The following PLA2G2E variants were observed in gnomAD, a reference collection of about 807,000 sequenced individuals.
PLA2G2E encodes phospholipase A2 group IIE.
Under a neutral mutation model 16.5 loss-of-function variants are expected in PLA2G2E, and 14 were observed. That is an observed-to-expected ratio of 0.85 (90% CI 0.56 to 1.33). The LOEUF (loss-of-function observed/expected upper bound fraction) is 1.33. Ranked by LOEUF, PLA2G2E falls within the 40% of genes most tolerant of loss-of-function variation. The pLI is 0.00. For synonymous variants in PLA2G2E, 72 were observed against 77.2 expected (o/e 0.93, Z 0.36); for missense variants, 174 against 190.7 (o/e 0.91, Z 0.52).
chr1:19,923,178 G>A (rs1000932949), intron 1 of PLA2G2E, among the ~76,000 whole-genome samples: 5 of 152,150 alleles, frequency 3.3e-5, no homozygotes, highest in African/African-American at 4.8e-5. Flanking sequence ...AATTCTTCCC[G>A]GTGCTCCTGA....
chr1:19,923,408 C>T, intron 1 of PLA2G2E, 112 bp downstream of exon 1: 1 of 921,012 alleles, frequency 1.1e-6, no homozygotes, highest in Non-Finnish European at 1.6e-6. Flanking sequence ...AAGGGGGCAG[C>T]CTCCAGTGTT....
chr1:19,923,496 C>T, intron 1 of PLA2G2E, 24 bp downstream of exon 1: 1 of 1,544,696 alleles, frequency 6.5e-7, no homozygotes, highest in Non-Finnish European at 8.7e-7. Flanking sequence ...GGGCAGAAGG[C>T]TGAAGGTCAC....
At position 19,922,690 on chromosome 1, in the gene PLA2G2E, C is replaced by T. The variant is rs773178642; in HGVS notation, c.106G>A (p.Ala36Thr). 24 of 1,613,894 alleles carry T rather than the reference C, an allele frequency of 1.5e-5. No individual in the cohort carries two copies. In the East Asian group the frequency reaches 2.7e-4, roughly 18 times the overall value. ...CAGCCATAGTCGTTGTACTGCAGGGCGGACTTGCCTGTCATCTTCTCGATC... is the reference window on the plus strand; with the variant it reads ...CAGCCATAGTCGTTGTACTGCAGGGTGGACTTGCCTGTCATCTTCTCGATC... ...VMIEKMTGKSALQYNDYGCYC... is the reference protein window; with the variant it reads ...VMIEKMTGKSTLQYNDYGCYC... The change falls in exon 2 of 4, where the codon GCC becomes ACC. Residue 36 changes from alanine to threonine, a missense_variant. Coordinates refer to ENST00000375116, the MANE Select transcript of PLA2G2E (RefSeq NM_014589.3).
rs370586050 is a variant in PLA2G2E at position 19,920,265 on chromosome 1, G to A, written c.*42C>T. On this transcript the variant is annotated 3_prime_UTR_variant, in exon 4 of 4. Coordinates refer to ENST00000375116, the MANE Select transcript of PLA2G2E (RefSeq NM_014589.3). This position sits in a 1 kb window ranked among gnomAD's most constrained non-coding sequence, Gnocchi z 4.3. ...CCCAGGCCTGGGACTACAGCAGCCCGAGGCGGGACCTCCAGGGACGGGGGG... is the reference window on the plus strand; with the variant it reads ...CCCAGGCCTGGGACTACAGCAGCCCAAGGCGGGACCTCCAGGGACGGGGGG... The A allele has an allele frequency of 1.6e-5, 25 of 1,578,218 alleles. 1 individual carries two copies. In the South Asian group the frequency reaches 1.7e-4, roughly 11 times the overall value.
rs563350203 is a variant in PLA2G2E at position 19,922,782 on chromosome 1, A to AGGGAGC, written c.41-28_41-27insGCTCCC. 3 of 1,610,634 alleles carry AGGGAGC rather than the reference A, an allele frequency of 1.9e-6. No individual in the cohort carries two copies. In the South Asian group the frequency reaches 3.3e-5, roughly 18 times the overall value. ...TGCAGAGAGGGAGAGGGAGAGGGAGAGGGAGGGCCCCACCCTCTGCAGCCA... is the reference window on the plus strand; with the variant it reads ...TGCAGAGAGGGAGAGGGAGAGGGAGAGGGAGCGGGAGGGCCCCACCCTCTGCAGCCA... On this transcript the variant is annotated intron_variant, in intron 1 of 3. Transcript: ENST00000375116.
chr1:19,923,274 C>T (rs2045833287), intron 1 of PLA2G2E, among the ~76,000 whole-genome samples: 1 of 152,208 alleles, frequency 6.6e-6, no homozygotes, highest in Admixed American at 6.5e-5. Flanking sequence ...CTAGGGTGTG[C>T]CATCCGGGAA....
At chr1:19,923,241 G>A (rs2045833041) in intron 1 of PLA2G2E, among the ~76,000 whole-genome samples, 3 of 152,230 alleles carry the variant, frequency 2.0e-5, no homozygotes, top group South Asian at 2.1e-4. Context: ...GCCAAACATG[G>A]AAGCTAGGAT....
rs544961785 is a variant in PLA2G2E, at chr1:19,923,582, T to A, written c.-23A>T. ...CATCCCAGGTTGGGGGGAAGGGAGG[T>A]GCACAAGGAGCATAAAAGGCAGCAG... On this transcript the variant is annotated 5_prime_UTR_variant, in exon 1 of 4. Transcript: ENST00000375116. The A allele has an allele frequency of 9.7e-6, 15 of 1,547,126 alleles. No individual in the cohort carries two copies. In the South Asian group the frequency reaches 1.8e-4, roughly 19 times the overall value.
At chr1:19,922,789 G>GCCCCAC (rs1553164474) in intron 1 of PLA2G2E, 34 bp from the exon 2 acceptor site, 10 of 1,610,846 alleles carry the variant, frequency 6.2e-6, no homozygotes, top group Non-Finnish European at 8.5e-6. Flanking sequence ...GAGAGGGAGG[G>GCCCCAC]CCCCACCCTC....
intron 3 of PLA2G2E, 118 bp downstream of exon 3, chr1:19,922,180 G>C: frequency 1.5e-6 from 1 of 684,270 alleles, no homozygotes; most frequent in South Asian, 1.9e-5. Flanking sequence ...CATGCCTCCA[G>C]CCCAGGGTCT....
intron 1 of PLA2G2E, 67 bp downstream of exon 1, chr1:19,923,453 A>T (rs2045835083): frequency 7.3e-7 from 1 of 1,362,876 alleles, no homozygotes; most frequent in Non-Finnish European, 1.0e-6. Flanking sequence ...GGCCAGGCTC[A>T]GGGGCATCCA....
At chr1:19,922,209 G>A in intron 3 of PLA2G2E, 89 bp downstream of exon 3, 5 of 874,446 alleles carry the variant, frequency 5.7e-6, no homozygotes, top group Non-Finnish European at 9.2e-6. Flanking sequence ...TAAGGCCCAA[G>A]GTCACCATCA....
At chr1:19,923,032 C>T (rs1310391612) in intron 1 of PLA2G2E, among the ~76,000 whole-genome samples, 1 of 152,160 alleles carries the variant, frequency 6.6e-6, no homozygotes, top group Non-Finnish European at 1.5e-5. Flanking sequence ...ACTCATTCAC[C>T]CCTTCCAGGG....
chr1:19,922,780 AGAGG>A, intron 1 of PLA2G2E, 25 bp from the exon 2 acceptor site: 1 of 1,612,506 alleles, frequency 6.2e-7, no homozygotes, highest in Non-Finnish European at 8.5e-7. Flanking sequence ...AGGGAGAGGG[AGAGG>A]GAGGGCCCCA....
At position 19,920,527 on chromosome 1, in the gene PLA2G2E, AC is replaced by A; in HGVS notation, c.287-79del. ...ACAGCTCTTGGCTGCTTCTGGGTCCACGTTCTTGACCTGGACCAACTCCATT... is the reference window on the plus strand; with the variant it reads ...ACAGCTCTTGGCTGCTTCTGGGTCCAGTTCTTGACCTGGACCAACTCCATT... On this transcript the variant is annotated intron_variant, in intron 3 of 3. Transcript: ENST00000375116. This position sits in a 1 kb window ranked among gnomAD's most constrained non-coding sequence, Gnocchi z 4.3. 1 of 1,471,464 alleles carries A rather than the reference AC, an allele frequency of 6.8e-7. No individual in the cohort carries two copies. The highest frequency in any genetic ancestry group is 9.3e-7 in the Non-Finnish European group (1 of 1,078,688). The allele number at this position is 1,471,464 out of a possible 1,614,324, so 91.2% of individuals were successfully genotyped here. A position where few individuals can be genotyped will look rare whatever the true frequency, so the allele number is the denominator to read the frequency against.
chr1:19,921,617 G>C (rs1225515431), intron 3 of PLA2G2E, among the ~76,000 whole-genome samples: 1 of 152,234 alleles, frequency 6.6e-6, no homozygotes, highest in African/African-American at 2.4e-5. Flanking sequence ...ACAGAATTTA[G>C]AGACCTGAGT....
chr1:19,920,551 A>G lies in PLA2G2E; in HGVS notation c.287-102T>C. The G allele has an allele frequency of 8.4e-7, 1 of 1,192,202 alleles. No homozygotes were observed. Among genetic ancestry groups the G allele is most frequent in the Non-Finnish European group, 1.2e-6 (1 of 848,166 alleles). 73.9% of individuals were successfully genotyped at this position (1,192,202 alleles called of 1,614,324 possible). A position where few individuals can be genotyped will look rare whatever the true frequency, so the allele number is the denominator to read the frequency against. On this transcript the variant is annotated intron_variant, in intron 3 of 3. Coordinates refer to ENST00000375116, the MANE Select transcript of PLA2G2E (RefSeq NM_014589.3). This position sits in a 1 kb window ranked among gnomAD's most constrained non-coding sequence, Gnocchi z 4.3. ...CACGTTCTTGACCTGGACCAACTCC[A>G]TTCTGATGGAAGCCCAAGCTCCCGG...
intron 1 of PLA2G2E, 27 bp from the exon 2 acceptor site, chr1:19,922,782 A>AGGGAGGGCCCCAC: frequency 6.8e-6 from 11 of 1,610,634 alleles, no homozygotes; most frequent in Non-Finnish European, 9.3e-6. Flanking sequence ...GGAGAGGGAG[A>AGGGAGGGCCCCAC]GGGAGGGCCC....
intron 3 of PLA2G2E, 95 bp downstream of exon 3, chr1:19,922,203 G>GC (rs1368223819): frequency 1.2e-6 from 1 of 829,620 alleles, no homozygotes; most frequent in Admixed American, 2.2e-5. Flanking sequence ...CTCTGATAAG[G>GC]CCCAAGGTCA....
Sources: allele counts gnomAD v4.1 joint callset (sites outside exome capture counted in the v4.1 genomes callset), GRCh38; gene constraint gnomAD v4.1.1; non-coding constraint Gnocchi (gnomAD v3.1); transcripts MANE v1.5; gene names NCBI Gene and HGNC (gene_info 2026-07-23, HGNC 2026-07-21).